GRIN2A: variants seen among roughly 807,000 people sequenced by gnomAD.
GRIN2A encodes glutamate ionotropic receptor NMDA type subunit 2A, also known as glutamate receptor ionotropic, NMDA 2A.
A neutral mutation model predicts 113.4 loss-of-function variants in GRIN2A; 22 were observed. The observed-to-expected ratio is 0.19, with a 90% CI of 0.14 to 0.28. The LOEUF is 0.28. Ranked by LOEUF, GRIN2A falls within the 10% of genes least tolerant of loss-of-function variation. The pLI is 1.00. For synonymous variants in GRIN2A, 827 were observed against 738.4 expected (o/e 1.12, Z -1.94); for missense variants, 1,502 against 1,887.0 (o/e 0.80, Z 3.78).
At chr16:9,839,492 T>C (rs1309298743) in intron 7 of GRIN2A, among the ~76,000 whole-genome samples, 3 of 152,338 alleles carry the variant, frequency 2.0e-5, no homozygotes, top group African/African-American at 7.2e-5. Flanking sequence ...ATTTAAAATA[T>C]GATTCGATTA....
intron 11 of GRIN2A, among the ~76,000 whole-genome samples, chr16:9,783,798 A>T (rs1247724091): frequency 1.3e-5 from 2 of 152,234 alleles, no homozygotes; most frequent in Non-Finnish European, 1.5e-5. Flanking sequence ...AAATATTGTT[A>T]CTTTAAAGAG....
At chr16:10,155,533 G>C (rs773124083) in intron 2 of GRIN2A, among the ~76,000 whole-genome samples, 1 of 152,172 alleles carries the variant, frequency 6.6e-6, no homozygotes, top group Admixed American at 6.5e-5. Context: ...CAGATAATGT[G>C]ACTGCAATAC....
chr16:10,167,124 TG>T, intron 2 of GRIN2A, among the ~76,000 whole-genome samples: 1 of 5,506 alleles, frequency 1.8e-4, no homozygotes, highest in Non-Finnish European at 0.016. Flanking sequence ...GGATCAACTG[TG>T]TTTAATAAAC....
chr16:9,959,936 G>A (rs1351266133), intron 2 of GRIN2A, among the ~76,000 whole-genome samples: 1 of 152,188 alleles, frequency 6.6e-6, no homozygotes, highest in Non-Finnish European at 1.5e-5. Context: ...TCGGGCCACT[G>A]CACTCCAGCC....
At chr16:10,102,628 C>A (rs1003214706) in intron 2 of GRIN2A, among the ~76,000 whole-genome samples, 4 of 151,994 alleles carry the variant, frequency 2.6e-5, no homozygotes, top group Non-Finnish European at 4.4e-5. Context: ...CTCACTGCAA[C>A]CTTCGCCTCC....
intron 2 of GRIN2A, among the ~76,000 whole-genome samples, chr16:10,126,408 A>ACT (rs1391324051): frequency 1.3e-5 from 2 of 151,624 alleles, no homozygotes; most frequent in Non-Finnish European, 2.9e-5. Flanking sequence ...CTCAAGCAAC[A>ACT]CTCCTGCCAC....
intron 2 of GRIN2A, among the ~76,000 whole-genome samples, chr16:10,003,831 A>G (rs1003053647): frequency 6.6e-6 from 1 of 152,204 alleles, no homozygotes; most frequent in African/African-American, 2.4e-5. Flanking sequence ...AGTGCTTGAG[A>G]AAGACTGTGG....
At chr16:10,067,328 C>T (rs553753091) in intron 2 of GRIN2A, among the ~76,000 whole-genome samples, 14 of 152,270 alleles carry the variant, frequency 9.2e-5, no homozygotes, top group South Asian at 2.1e-4. Context: ...GTTTTTCCAA[C>T]GGTGGAGCCA....
intron 2 of GRIN2A, among the ~76,000 whole-genome samples, chr16:10,140,774 G>A (rs925167948): frequency 6.6e-6 from 1 of 152,158 alleles, no homozygotes; most frequent in Non-Finnish European, 1.5e-5. Flanking sequence ...CTGATGAAGC[G>A]ACCAGGAAGT....
chr16:9,957,800 T>C (rs939467553), intron 2 of GRIN2A, among the ~76,000 whole-genome samples: 28 of 152,180 alleles, frequency 1.8e-4, no homozygotes, highest in African/African-American at 6.8e-4. Flanking sequence ...TGGACCTCTT[T>C]GAACCTCACC....
chr16:10,153,853 G>T (rs1234499155), intron 2 of GRIN2A, among the ~76,000 whole-genome samples: 1 of 152,148 alleles, frequency 6.6e-6, no homozygotes, highest in African/African-American at 2.4e-5. Context: ...AACACTGCCT[G>T]GTCACCTACT....
At chr16:9,838,910 G>A (rs2141336845) in intron 7 of GRIN2A, among the ~76,000 whole-genome samples, 1 of 152,238 alleles carries the variant, frequency 6.6e-6, no homozygotes, top group Non-Finnish European at 1.5e-5. Context: ...ACTCAGAAAG[G>A]GAGAGGATGG....
rs144065663 is a variant in GRIN2A at position 9,929,182 on chromosome 16, G to A, written c.1007+8777C>T. On this transcript the variant is annotated intron_variant, in intron 3 of 12. Coordinates refer to ENST00000330684, the MANE Select transcript of GRIN2A (RefSeq NM_001134407.3). ...CTCCCCTGCAAGACCTTGCCCAGTC[G>A]TAGGGCTTTGACTGCCATCAATAAG... Among the ~76,000 whole-genome samples, 102 of 152,306 alleles carry A rather than the reference G, an allele frequency of 6.7e-4. 5 individuals are homozygous for A. The East Asian group carries it at 0.016, about 24-fold the overall frequency.
At chr16:10,136,098 T>G (rs532493248) in intron 2 of GRIN2A, among the ~76,000 whole-genome samples, 1 of 152,212 alleles carries the variant, frequency 6.6e-6, no homozygotes, top group African/African-American at 2.4e-5. Context: ...TTTCAATCAC[T>G]CTACTTTTCA....
intron 2 of GRIN2A, among the ~76,000 whole-genome samples, chr16:10,025,508 C>T (rs776628456): frequency 6.6e-6 from 1 of 151,772 alleles, no homozygotes; most frequent in Non-Finnish European, 1.5e-5. Context: ...CCCTGTGTTC[C>T]CCAGGCTGGT....
intron 3 of GRIN2A, among the ~76,000 whole-genome samples, chr16:9,915,210 AC>A (rs2044223479): frequency 6.6e-6 from 1 of 151,944 alleles, no homozygotes. Context: ...TGCTGGGATT[AC>A]AGGCGTGAGC....
chr16:10,149,527 A>G (rs1312899709), intron 2 of GRIN2A, among the ~76,000 whole-genome samples: 2 of 152,210 alleles, frequency 1.3e-5, no homozygotes, highest in Non-Finnish European at 2.9e-5. Flanking sequence ...AAAAGCCCTA[A>G]GAATCATTCT....
chr16:9,879,408 A>C (rs1003093405), intron 4 of GRIN2A, among the ~76,000 whole-genome samples: 1 of 152,012 alleles, frequency 6.6e-6, no homozygotes, highest in African/African-American at 2.4e-5. Flanking sequence ...CTTACACCTA[A>C]AAAAAAATTT....
At chr16:9,808,867 A>AAC (rs751058653) in intron 10 of GRIN2A, among the ~76,000 whole-genome samples, 49 of 152,246 alleles carry the variant, frequency 3.2e-4, no homozygotes, top group Admixed American at 1.9e-3. Flanking sequence ...AGGACTCCCC[A>AAC]ACGATCCTTA....
Sources: gnomAD v4.1 joint callset for allele counts (sites outside exome capture counted in the v4.1 genomes callset) on GRCh38, gnomAD v4.1.1 for gene constraint, MANE v1.5 for transcripts, NCBI Gene and HGNC (gene_info 2026-07-23, HGNC 2026-07-21) for gene names.